Variants in MYT1L observed in about 807,000 individuals in gnomAD.
The protein encoded by MYT1L is myelin transcription factor 1 like.
A neutral mutation model predicts 126.7 loss-of-function variants in MYT1L; 12 were observed. The observed-to-expected ratio is 0.09, with a 90% confidence interval of 0.06 to 0.15. The LOEUF (loss-of-function observed/expected upper bound fraction) is 0.15, where lower values mean the gene tolerates loss of function less well. Ranked by LOEUF, MYT1L falls within the 10% of genes least tolerant of loss-of-function variation. MYT1L has a pLI of 1.00. For synonymous variants in MYT1L, 541 were observed against 604.2 expected (o/e 0.90, Z 1.53); for missense variants, 979 against 1,585.2 (o/e 0.62, Z 6.49).
intron 2 of MYT1L, among the ~76,000 whole-genome samples, chr2:2,273,337 G>A (rs1363247508): frequency 6.6e-6 from 1 of 152,214 alleles, no homozygotes; most frequent in Non-Finnish European, 1.5e-5. Context: ...AATGACCCCT[G>A]ATAAATGAGA....
intron 2 of MYT1L, among the ~76,000 whole-genome samples, chr2:2,199,648 C>T (rs2092971842): frequency 6.6e-6 from 1 of 152,216 alleles, no homozygotes; most frequent in Non-Finnish European, 1.5e-5. Context: ...GCTGTGTGTT[C>T]TGCAGTTAGT....
At chr2:1,896,167 T>C (rs989034341) in intron 14 of MYT1L, among the ~76,000 whole-genome samples, 1 of 152,098 alleles carries the variant, frequency 6.6e-6, no homozygotes, top group African/African-American at 2.4e-5. Flanking sequence ...TGAATGGCTA[T>C]TATTAAAAAG....
At chr2:1,846,387 A>G (rs966576563) in intron 19 of MYT1L, among the ~76,000 whole-genome samples, 2 of 152,224 alleles carry the variant, frequency 1.3e-5, no homozygotes, top group Admixed American at 6.5e-5. Flanking sequence ...TTTCCTAGAC[A>G]GAAACTGTTT....
At chr2:2,135,532 CCT>C (rs541525734) in intron 3 of MYT1L, among the ~76,000 whole-genome samples, 2 of 152,202 alleles carry the variant, frequency 1.3e-5, no homozygotes, top group Non-Finnish European at 2.9e-5. Flanking sequence ...CAAGAAATTT[CCT>C]GTCTCATTGA....
chr2:2,070,539 G>A (rs776946208), intron 3 of MYT1L, among the ~76,000 whole-genome samples: 2 of 152,176 alleles, frequency 1.3e-5, no homozygotes, highest in African/African-American at 2.4e-5. Context: ...CCCTTTTTGA[G>A]ATTTGATGTT....
intron 21 of MYT1L, among the ~76,000 whole-genome samples, chr2:1,823,852 G>A (rs1169068273): frequency 6.6e-6 from 1 of 152,224 alleles, no homozygotes; most frequent in Non-Finnish European, 1.5e-5. Context: ...TATATTTACT[G>A]AAATCTAACA....
intron 2 of MYT1L, among the ~76,000 whole-genome samples, chr2:2,279,725 G>A (rs750377432): frequency 1.3e-5 from 2 of 152,152 alleles, no homozygotes; most frequent in African/African-American, 2.4e-5. Context: ...CGGGTTGAGC[G>A]ACAGCCTTCA....
chr2:2,060,926 T>G (rs892427378), intron 3 of MYT1L, among the ~76,000 whole-genome samples: 4 of 151,818 alleles, frequency 2.6e-5, no homozygotes, highest in African/African-American at 9.7e-5. Flanking sequence ...CATTCCAGGC[T>G]GATATTTGTA....
intron 4 of MYT1L, among the ~76,000 whole-genome samples, chr2:2,024,793 G>C (rs72767344): frequency 0.042 from 6,410 of 152,288 alleles, 201 homozygotes; most frequent in Non-Finnish European, 0.065. Context: ...ATATCATCAA[G>C]GTGTTCTCAA....
At chr2:2,230,680 A>G (rs971923682) in intron 2 of MYT1L, among the ~76,000 whole-genome samples, 2 of 152,134 alleles carry the variant, frequency 1.3e-5, no homozygotes, top group South Asian at 4.2e-4. Flanking sequence ...AGCGGGCTCC[A>G]CCGGCACCAA....
chr2:1,870,021 G>A (rs1296765618), intron 18 of MYT1L, among the ~76,000 whole-genome samples: 2 of 152,276 alleles, frequency 1.3e-5, no homozygotes, highest in South Asian at 2.1e-4. Context: ...AGCCATCAGG[G>A]TTGTCAGACG....
intron 8 of MYT1L, among the ~76,000 whole-genome samples, chr2:1,958,751 C>T (rs1369561771): frequency 2.7e-5 from 4 of 148,874 alleles, no homozygotes; most frequent in Admixed American, 6.7e-5. Context: ...CTCCGGCCCA[C>T]CCAACTGCAG....
At chr2:1,823,269 G>A (rs1403431655) in intron 21 of MYT1L, among the ~76,000 whole-genome samples, 1 of 152,208 alleles carries the variant, frequency 6.6e-6, no homozygotes, top group African/African-American at 2.4e-5. Context: ...GGTTGTGGTA[G>A]TGAGGGCTGT....
At chr2:2,233,311 G>A (rs1338434171) in intron 2 of MYT1L, among the ~76,000 whole-genome samples, 1 of 152,192 alleles carries the variant, frequency 6.6e-6, no homozygotes, top group Admixed American at 6.5e-5. Context: ...AGAGCACGGG[G>A]CGCCGGGATG....
chr2:2,206,238 A>G (rs978919012), intron 2 of MYT1L, among the ~76,000 whole-genome samples: 3 of 152,082 alleles, frequency 2.0e-5, no homozygotes, highest in Non-Finnish European at 4.4e-5. Context: ...TCTGCCTCCC[A>G]AAGTGCTGGG....
intron 3 of MYT1L, among the ~76,000 whole-genome samples, chr2:2,158,937 C>G (rs902155391): frequency 5.3e-5 from 8 of 152,184 alleles, no homozygotes; most frequent in Non-Finnish European, 1.2e-4. Context: ...TGCACGCTTA[C>G]CTATAGGGCA....
At chr2:2,140,829 A>G (rs1427903352) in intron 3 of MYT1L, among the ~76,000 whole-genome samples, 2 of 152,184 alleles carry the variant, frequency 1.3e-5, no homozygotes, top group Non-Finnish European at 2.9e-5. Flanking sequence ...TCAGCCTCCC[A>G]AAGTGTTGGG....
chr2:2,177,502 T>C, intron 2 of MYT1L, among the ~76,000 whole-genome samples: 1 of 152,052 alleles, frequency 6.6e-6, no homozygotes, highest in East Asian at 1.9e-4. Context: ...GAACCTAGGG[T>C]GTATTCGTCT....
At chr2:1,796,011 G>A (rs544059034) in intron 23 of MYT1L, among the ~76,000 whole-genome samples, 1 of 152,288 alleles carries the variant, frequency 6.6e-6, no homozygotes, top group Non-Finnish European at 1.5e-5. Flanking sequence ...AGCTAAGAAT[G>A]GCGTTTGCAT....
Sources: gnomAD v4.1 joint callset for allele counts (sites outside exome capture counted in the v4.1 genomes callset) on GRCh38, gnomAD v4.1.1 for gene constraint, MANE v1.5 for transcripts, NCBI Gene and HGNC (gene_info 2026-07-23, HGNC 2026-07-21) for gene names.